DAB1: variants seen among roughly 807,000 people sequenced by gnomAD.
DAB1 encodes the protein disabled homolog 1.
A neutral mutation model predicts 64.6 loss-of-function variants in DAB1; 15 were observed. That is an observed-to-expected ratio of 0.23 (90% CI 0.16 to 0.36). The LOEUF (loss-of-function observed/expected upper bound fraction) is 0.36, where lower values mean the gene tolerates loss of function less well. Ranked by LOEUF, DAB1 falls within the 10% of genes least tolerant of loss-of-function variation. The probability of loss-of-function intolerance (pLI) is 1.00; values close to 1 mark genes in which losing one functional copy is unlikely to be tolerated. For missense variants in DAB1, 596 were observed against 706.7 expected (o/e 0.84, Z 1.78); for synonymous variants, 235 against 251.9 (o/e 0.93, Z 0.64).
chr1:58,072,085 T>TGGGGGGGG (rs10665790), intron 5 of DAB1, among the ~76,000 whole-genome samples: 4 of 82,054 alleles, frequency 4.9e-5, no homozygotes, highest in African/African-American at 2.0e-4. Flanking sequence ...ATTGGTGGGG[T>TGGGGGGGG]GGGGGGGGGT....
At chr1:58,155,296 G>A (rs1655162001) in intron 4 of DAB1, among the ~76,000 whole-genome samples, 1 of 152,260 alleles carries the variant, frequency 6.6e-6, no homozygotes, top group Admixed American at 6.5e-5. Flanking sequence ...TGCCCTCCAG[G>A]GAACATCTGG....
At chr1:58,304,753 TGA>T (rs1327605439) in intron 4 of DAB1, among the ~76,000 whole-genome samples, 2 of 152,288 alleles carry the variant, frequency 1.3e-5, no homozygotes, top group Admixed American at 6.5e-5. Context: ...ACAGAATCTC[TGA>T]GAGCCTGGAA....
chr1:58,305,170 A>G (rs1206723696), intron 4 of DAB1, among the ~76,000 whole-genome samples: 1 of 152,058 alleles, frequency 6.6e-6, no homozygotes, highest in Non-Finnish European at 1.5e-5. Context: ...GGGTTCAAGT[A>G]ATCCCCCTGC....
At chr1:57,536,333 A>T (rs1456429539) in intron 7 of DAB1, among the ~76,000 whole-genome samples, 1 of 152,222 alleles carries the variant, frequency 6.6e-6, no homozygotes, top group African/African-American at 2.4e-5. Flanking sequence ...GATTTCTGTA[A>T]AAGGATTTTG....
chr1:57,209,844 C>T (rs2100324271), intron 2 of DAB1, among the ~76,000 whole-genome samples: 1 of 152,320 alleles, frequency 6.6e-6, no homozygotes, highest in South Asian at 2.1e-4. Flanking sequence ...CTCACACACA[C>T]ACCAGTCCCT....
At chr1:57,459,638 T>C (rs549467002) in intron 7 of DAB1, among the ~76,000 whole-genome samples, 2 of 152,312 alleles carry the variant, frequency 1.3e-5, no homozygotes, top group South Asian at 2.1e-4. Flanking sequence ...GATCACCATC[T>C]AGCAAAACCT....
intron 1 of DAB1, among the ~76,000 whole-genome samples, chr1:57,351,823 T>C (rs1678612864): frequency 6.6e-6 from 1 of 152,084 alleles, no homozygotes; most frequent in Non-Finnish European, 1.5e-5. Flanking sequence ...ACAATGAATT[T>C]GGATAAAACA....
chr1:57,897,504 A>G (rs1247472122), intron 5 of DAB1, among the ~76,000 whole-genome samples: 1 of 152,180 alleles, frequency 6.6e-6, no homozygotes, highest in African/African-American at 2.4e-5. Flanking sequence ...ACATCTTCTC[A>G]ATTCCTTTGG....
At chr1:57,248,654 C>T (rs1669085355) in intron 2 of DAB1, among the ~76,000 whole-genome samples, 1 of 152,164 alleles carries the variant, frequency 6.6e-6, no homozygotes, top group South Asian at 2.1e-4. Context: ...GTGTAATTCT[C>T]AGCACATATT....
chr1:57,502,417 C>T (rs924543672), intron 7 of DAB1, among the ~76,000 whole-genome samples: 1 of 151,392 alleles, frequency 6.6e-6, no homozygotes, highest in Non-Finnish European at 1.5e-5. Context: ...TGAAGCAGGG[C>T]GAATAAAGAA....
intron 3 of DAB1, among the ~76,000 whole-genome samples, chr1:58,493,972 C>A (rs1645747882): frequency 6.8e-6 from 1 of 146,648 alleles, no homozygotes; most frequent in Non-Finnish European, 1.5e-5. Context: ...CAATCCTAAG[C>A]AAAAAGAACA....
At chr1:57,612,348 T>C (rs898047225) in intron 7 of DAB1, among the ~76,000 whole-genome samples, 2 of 152,134 alleles carry the variant, frequency 1.3e-5, no homozygotes, top group African/African-American at 4.8e-5. Context: ...TTACCTTACA[T>C]GGTAAACGTA....
At chr1:57,751,157 T>C (rs1002183069) in intron 6 of DAB1, among the ~76,000 whole-genome samples, 4 of 151,518 alleles carry the variant, frequency 2.6e-5, no homozygotes, top group African/African-American at 9.7e-5. Flanking sequence ...GGTGGCCTAG[T>C]GGGAGGAGGT....
intron 2 of DAB1, among the ~76,000 whole-genome samples, chr1:57,187,121 T>A (rs553924472): frequency 6.6e-6 from 1 of 152,328 alleles, no homozygotes; most frequent in Non-Finnish European, 1.5e-5. Context: ...ATACTTCAAA[T>A]GAAGTACATA....
At chr1:57,426,646 G>C (rs1176546355), upstream of DAB1, among the ~76,000 whole-genome samples, 1 of 152,006 alleles carries the variant, frequency 6.6e-6, no homozygotes, top group Non-Finnish European at 1.5e-5. Context: ...TTCAGACACA[G>C]TTCTGATGCT....
intron 6 of DAB1, among the ~76,000 whole-genome samples, chr1:57,774,217 T>G (rs1649691340): frequency 6.6e-6 from 1 of 151,912 alleles, no homozygotes; most frequent in Non-Finnish European, 1.5e-5. Flanking sequence ...GCTTTTGTAT[T>G]AAATTTATTT....
chr1:58,149,122 C>T (rs936701311), intron 5 of DAB1, among the ~76,000 whole-genome samples: 3 of 152,142 alleles, frequency 2.0e-5, no homozygotes, highest in African/African-American at 7.2e-5. Context: ...TTATTTTCTT[C>T]ATAGTACTTC....
intron 5 of DAB1, among the ~76,000 whole-genome samples, chr1:57,936,688 A>C (rs1425362415): frequency 6.6e-6 from 1 of 151,288 alleles, no homozygotes; most frequent in Non-Finnish European, 1.5e-5. Flanking sequence ...TGTTATTTTT[A>C]TTTATTTATT....
intron 9 of DAB1, among the ~76,000 whole-genome samples, chr1:57,037,189 G>A (rs1220215411): frequency 6.6e-6 from 1 of 152,168 alleles, no homozygotes; most frequent in East Asian, 1.9e-4. Flanking sequence ...CACCATGCTG[G>A]GGAATAAACT....
Sources: allele counts gnomAD v4.1 joint callset (sites outside exome capture counted in the v4.1 genomes callset), GRCh38; gene constraint gnomAD v4.1.1; transcripts MANE v1.5; gene names NCBI Gene and HGNC (gene_info 2026-07-23, HGNC 2026-07-21).